PI4KA: variants seen among roughly 807,000 people sequenced by gnomAD.
The protein encoded by PI4KA is PI4-kinase alpha.
A neutral mutation model predicts 271.4 loss-of-function variants in PI4KA; 122 were observed. The observed-to-expected ratio is 0.45, with a 90% CI of 0.39 to 0.52. The LOEUF (loss-of-function observed/expected upper bound fraction) is 0.52, where lower values mean the gene tolerates loss of function less well. Ranked by LOEUF, PI4KA falls within the 20% of genes least tolerant of loss-of-function variation. The probability of loss-of-function intolerance (pLI) is 0.00; values close to 1 mark genes in which losing one functional copy is unlikely to be tolerated. For synonymous variants in PI4KA, 1,041 were observed against 1,078.8 expected (o/e 0.96, Z 0.69); for missense variants, 1,969 against 2,769.1 (o/e 0.71, Z 6.48).
intron 25 of PI4KA, among the ~76,000 whole-genome samples, 157 bp from the exon 26 acceptor site, chr22:20,751,912 A>C (rs1568989102): frequency 6.6e-6 from 1 of 152,300 alleles, no homozygotes; most frequent in East Asian, 1.9e-4. Context: ...TGGCCTCCTC[A>C]GGCTCATTGC....
At position 20,742,312 on chromosome 22, in the gene PI4KA, G is replaced by T. The variant is rs750902226; in HGVS notation, c.3657C>A (p.Leu1219=). Residue 1219 remains leucine (L), a synonymous_variant, in exon 32 of 55, where the codon CTC becomes CTA. Transcript: ENST00000255882. ...CCATGCCATGCTCATTGAACATCCGGAGGGGACCCCAGCACAGATGATGAA... is the reference window on the plus strand; with the variant it reads ...CCATGCCATGCTCATTGAACATCCGTAGGGGACCCCAGCACAGATGATGAA... The part of the protein sequence containing the change: ...QLLHHLCWGP[L]RMFNEHGMET... 2 of 1,614,204 alleles carry T rather than the reference G, an allele frequency of 1.2e-6. No individual in the cohort carries two copies. The highest frequency in any genetic ancestry group is 4.5e-5 in the East Asian group (2 of 44,886).
intron 43 of PI4KA, among the ~76,000 whole-genome samples, chr22:20,720,770 T>G (rs1056914320): frequency 1.3e-5 from 2 of 152,240 alleles, no homozygotes; most frequent in Admixed American, 6.5e-5. Context: ...TTTAGTTTTT[T>G]GGGGAAAGTT....
rs1927535641 is a variant in PI4KA, at chr22:20,727,758, A to G, written c.4773+16T>C. The G allele has an allele frequency of 6.3e-7, 1 of 1,599,238 alleles. No homozygotes were observed. The highest frequency in any genetic ancestry group is 1.7e-5 in the Admixed American group (1 of 59,816). ...GTGCAGTTTGAACTCAGGCCCTGGT[A>G]CGTGGGCTACACTACCTTGATTGCT... On this transcript the variant is annotated intron_variant, in intron 40 of 54. Transcript: ENST00000255882.
At chr22:20,786,956 T>A (rs1601497547) in intron 19 of PI4KA, 2 of 1,614,144 alleles carry the variant, frequency 1.2e-6, no homozygotes, top group East Asian at 4.5e-5. Context: ...CATGCCGCTG[T>A]CCACCCAAGT....
chr22:20,780,037 A>G, intron 19 of PI4KA: 4 of 1,614,122 alleles, frequency 2.5e-6, no homozygotes, highest in Non-Finnish European at 3.4e-6. Context: ...AAAGTAAGAG[A>G]GTATTACTTT....
At chr22:20,751,099 G>C (rs1930633634) in intron 27 of PI4KA, among the ~76,000 whole-genome samples, 194 bp downstream of exon 27, 1 of 152,004 alleles carries the variant, frequency 6.6e-6, no homozygotes, top group South Asian at 2.1e-4. Flanking sequence ...AGCGACCTGG[G>C]GGCAGCCAGC....
intron 28 of PI4KA, among the ~76,000 whole-genome samples, chr22:20,748,353 A>G (rs1201186420): frequency 1.3e-5 from 2 of 152,260 alleles, no homozygotes; most frequent in Admixed American, 1.3e-4. Context: ...CTTGCGGTCA[A>G]CAGGCAGGCT....
chr22:20,824,779 C>CACACA (rs1555905118), intron 3 of PI4KA, among the ~76,000 whole-genome samples: 64 of 124,478 alleles, frequency 5.1e-4, no homozygotes, highest in African/African-American at 2.1e-3. Flanking sequence ...CACACACACA[C>CACACA]AAAACACTCG....
chr22:20,849,607 C>CT (rs1234252907), intron 1 of PI4KA, among the ~76,000 whole-genome samples: 1 of 152,160 alleles, frequency 6.6e-6, no homozygotes, highest in East Asian at 1.9e-4. Flanking sequence ...AATCCCAGCA[C>CT]TTTGGGAGGC....
chr22:20,833,030 A>G lies in PI4KA; in HGVS notation c.367+1532T>C, dbSNP rs77584291. The stretch of plus-strand genomic sequence containing the variant: ...ATCTTCATTGGCTAATGTTCTTTCA[A>G]TCTTTGAAGCTGCTGTCCTTTGGAT... On this transcript the variant is annotated intron_variant, in intron 3 of 54. Transcript: ENST00000255882. Among the ~76,000 whole-genome samples the G allele has an allele frequency of 9.0e-3, 1,364 of 152,140 alleles. 19 individuals carry two copies. The highest frequency in any genetic ancestry group is 0.031 in the African/African-American group (1,304 of 41,478).
At chr22:20,831,313 C>T (rs1055163942) in intron 3 of PI4KA, among the ~76,000 whole-genome samples, 1 of 152,110 alleles carries the variant, frequency 6.6e-6, no homozygotes, top group Non-Finnish European at 1.5e-5. Context: ...TGCCTGCAAT[C>T]CCAGCACCTT....
intron 29 of PI4KA, 192 bp downstream of exon 29, chr22:20,747,391 A>G: frequency 2.1e-6 from 1 of 481,818 alleles, no homozygotes; most frequent in Non-Finnish European, 3.6e-6. Context: ...ATAAGGAAAC[A>G]CTCATTTCAA....
At chr22:20,738,230 G>A (rs571036931) in intron 32 of PI4KA, among the ~76,000 whole-genome samples, 2 of 152,284 alleles carry the variant, frequency 1.3e-5, no homozygotes, top group African/African-American at 4.8e-5. Context: ...GAGCCCACAG[G>A]AGGACAGCCT....
chr22:20,848,930 C>A lies in PI4KA; in HGVS notation c.156+9640G>T, dbSNP rs1926616055. ...AGAATGGGAGAAAATATTTGCAAAT[C>A]ATATATCTTATTAAGAAACTTTTAT... is the stretch of plus-strand genomic sequence containing the variant. On this transcript the variant is annotated intron_variant, in intron 1 of 54. Coordinates refer to ENST00000255882, the MANE Select transcript of PI4KA (RefSeq NM_058004.4). 2.0e-5 allele frequency among the ~76,000 whole-genome samples: 3 copies of A among 151,984 alleles called. 1 individual carries two copies. The South Asian group carries it at 6.2e-4, about 32-fold the overall frequency.
At chr22:20,811,950 T>C (rs913678601) in intron 8 of PI4KA, among the ~76,000 whole-genome samples, 3 of 148,490 alleles carry the variant, frequency 2.0e-5, no homozygotes, top group Admixed American at 6.8e-5. Context: ...GAGGCGGAGC[T>C]TGCAGTGAGC....
At chr22:20,804,208 G>T in intron 12 of PI4KA, 92 bp downstream of exon 12, 1 of 849,514 alleles carries the variant, frequency 1.2e-6, no homozygotes, top group Admixed American at 1.8e-5. Flanking sequence ...CTCCGCTGCT[G>T]GTGTGCCCAC....
intron 17 of PI4KA, 72 bp from the exon 18 acceptor site, chr22:20,796,386 G>A (rs1934988966): frequency 1.4e-6 from 2 of 1,479,308 alleles, no homozygotes; most frequent in Admixed American, 1.9e-5. Flanking sequence ...CACTGCAGGG[G>A]TGAGGCGAGC....
chr22:20,715,985 G>A (rs1325707935), intron 45 of PI4KA, among the ~76,000 whole-genome samples: 7 of 152,082 alleles, frequency 4.6e-5, no homozygotes, highest in Non-Finnish European at 8.8e-5. Context: ...CCACCTCCTG[G>A]GTTCAAGTGA....
In PI4KA at chr22:20,820,510, T is replaced by C. The variant is rs73162824; in HGVS notation, c.529+29A>G. Reference sequence around the variant, plus strand: ...AGGGAAAGAGTAACCACAAAACCATTTTAAGAAAAACCTTAAGGATACTCG... The same window carrying C: ...AGGGAAAGAGTAACCACAAAACCATCTTAAGAAAAACCTTAAGGATACTCG... On this transcript the variant is annotated intron_variant, in intron 5 of 54. Coordinates refer to ENST00000255882, the MANE Select transcript of PI4KA (RefSeq NM_058004.4). The C allele has an allele frequency of 0.046, 68,366 of 1,475,516 alleles. 1,799 individuals are homozygous for C. The highest frequency in any genetic ancestry group is 0.053 in the Non-Finnish European group (57,052 of 1,068,306). The allele number at this position is 1,475,516 out of a possible 1,614,324, so 91.4% of individuals were successfully genotyped here.
Sources: allele counts gnomAD v4.1 joint callset (sites outside exome capture counted in the v4.1 genomes callset), GRCh38; gene constraint gnomAD v4.1.1; transcripts MANE v1.5; gene names NCBI Gene and HGNC (gene_info 2026-07-23, HGNC 2026-07-21).